The following ADARB1 variants were observed in gnomAD, a reference collection of about 807,000 sequenced individuals.
ADARB1 encodes adenosine deaminase RNA specific B1, also known as double-stranded RNA-specific editase 1.
In ADARB1, 10 loss-of-function variants were observed where a neutral mutation model predicts 52.4. That is an observed-to-expected ratio of 0.19 (90% CI 0.12 to 0.32). ADARB1 has a LOEUF of 0.32. ADARB1 is among the 10% of genes least tolerant of loss of function. The pLI, the probability that ADARB1 is intolerant of heterozygous loss-of-function variation, is 1.00. For missense variants in ADARB1, 643 were observed against 922.3 expected (o/e 0.70, Z 3.92); for synonymous variants, 349 against 371.1 (o/e 0.94, Z 0.68).
chr21:45,113,378 G>A (rs911004658), intron 1 of ADARB1, among the ~76,000 whole-genome samples: 2 of 152,010 alleles, frequency 1.3e-5, no homozygotes, highest in Non-Finnish European at 2.9e-5. Context: ...AGCTAAGATC[G>A]TGCCACTGTA....
chr21:45,143,969 G>T (rs1322533589), intron 2 of ADARB1, among the ~76,000 whole-genome samples: 1 of 151,852 alleles, frequency 6.6e-6, no homozygotes. Context: ...TTCCTTATTA[G>T]AACATAAGCT....
At chr21:45,190,451 G>A (rs1034212509) in intron 8 of ADARB1, among the ~76,000 whole-genome samples, 1 of 151,862 alleles carries the variant, frequency 6.6e-6, no homozygotes, top group East Asian at 1.9e-4. Flanking sequence ...ATTTCTTTAG[G>A]GTCAGTTTCT....
At position 45,185,104 on chromosome 21, in the gene ADARB1, G is replaced by A; in HGVS notation, c.1565+13G>A. The A allele has an allele frequency of 3.7e-6, 6 of 1,611,882 alleles. No individual in the cohort carries two copies. The highest frequency in any genetic ancestry group is 5.1e-6 in the Non-Finnish European group (6 of 1,178,676). On this transcript the variant is annotated intron_variant, in intron 8 of 10. Transcript: ENST00000348831. ...ACAAGATTGCACGGTAAGGGGCGGG[G>A]GCTCCCTGTGGCCACCTCCCTGCAC...
chr21:45,093,424 G>A (rs536097301), intron 1 of ADARB1, among the ~76,000 whole-genome samples: 3 of 152,352 alleles, frequency 2.0e-5, no homozygotes, highest in East Asian at 3.9e-4. Flanking sequence ...TCTGCCTGAC[G>A]TCCTTGACAA....
chr21:45,145,514 C>T (rs763572914), intron 2 of ADARB1: 1 of 152,286 alleles, frequency 6.6e-6, no homozygotes, highest in African/African-American at 2.4e-5. Context: ...GTAGAGCCGA[C>T]CACCTGCCTG....
rs140938068 is a variant in ADARB1 at position 45,093,130 on chromosome 21, C to G, written c.-220+18337C>G. ...AATTAGTCTCTGAAATAAGCAGCCTCCCCAGGAAGGAAGCAGCATGGCCAC... is the reference window on the plus strand; with the variant it reads ...AATTAGTCTCTGAAATAAGCAGCCTGCCCAGGAAGGAAGCAGCATGGCCAC... On this transcript the variant is annotated intron_variant, in intron 1 of 10. Transcript: ENST00000348831. 9.6e-4 allele frequency among the ~76,000 whole-genome samples: 146 copies of G among 152,322 alleles called. 1 individual carries two copies. Among genetic ancestry groups the G allele is most frequent in the African/African-American group, 3.4e-3 (142 of 41,562 alleles).
rs201653105 is a variant in ADARB1, at chr21:45,175,777, T to A, written c.76T>A (p.Ser26Thr). ...VKENRNLDNV[S>T]PKDGSTPGPG... is the part of the protein sequence containing the mutation. ...GGAAAACCGCAATCTGGACAACGTG[T>A]CCCCCAAGGATGGCAGCACACCTGG... Residue 26 changes from serine to threonine, a missense_variant, in exon 4 of 11, where the codon TCC (serine) becomes ACC (threonine). Ser to Thr is a moderately conservative substitution (Grantham distance 58). Around this residue, in one of 2 missense-constraint regions of ADARB1, gnomAD observed 380 missense variants for 446.5 expected, o/e 0.85. Transcript: ENST00000348831. 7 of 1,614,100 alleles carry A rather than the reference T, an allele frequency of 4.3e-6. No homozygotes were observed. The highest frequency in any genetic ancestry group is 1.3e-5 in the African/African-American group (1 of 75,028).
chr21:45,151,177 A>G (rs1047826659), intron 2 of ADARB1, among the ~76,000 whole-genome samples: 5 of 152,154 alleles, frequency 3.3e-5, no homozygotes, highest in African/African-American at 1.2e-4. Flanking sequence ...GTAGAACTAC[A>G]AAGTGTCAGG....
At chr21:45,154,830 A>G (rs933670801) in intron 2 of ADARB1, among the ~76,000 whole-genome samples, 1 of 152,176 alleles carries the variant, frequency 6.6e-6, no homozygotes, top group Non-Finnish European at 1.5e-5. Flanking sequence ...GACCTGGGAG[A>G]GGTCTGGGAG....
chr21:45,159,039 C>A (rs422720), intron 2 of ADARB1, among the ~76,000 whole-genome samples: 97,060 of 152,044 alleles, frequency 0.64, 31,288 homozygotes, highest in African/African-American at 0.74. Flanking sequence ...TGTAAGAATT[C>A]GGAAACATAG....
intron 9 of ADARB1, among the ~76,000 whole-genome samples, chr21:45,209,226 A>G (rs772935778): frequency 4.6e-5 from 7 of 151,986 alleles, no homozygotes; most frequent in Non-Finnish European, 5.9e-5. Context: ...TTAGAAACTC[A>G]TTTTATCGTG....
At chr21:45,118,972 G>A (rs139474542) in intron 1 of ADARB1, among the ~76,000 whole-genome samples, 73 of 152,240 alleles carry the variant, frequency 4.8e-4, no homozygotes, top group African/African-American at 1.6e-3. Flanking sequence ...TTTTAGCACC[G>A]TGCACTATTA....
In ADARB1 at chr21:45,183,436, A is replaced by T. The variant is rs1372446516; in HGVS notation, c.1322A>T (p.Gln441Leu). Residue 441 changes from glutamine to leucine, a missense_variant, in exon 7 of 11, where the codon CAG (glutamine) becomes CTG (leucine). Gln to Leu is a moderately radical substitution (Grantham distance 113, BLOSUM62 -2). Around this residue, in one of 2 missense-constraint regions of ADARB1, gnomAD observed 263 missense variants for 475.8 expected, o/e 0.55. Transcript: ENST00000348831. ...GGGTTTAGGCTGAAGGAGAATGTCC[A>T]GTTTCATCTGTACATCAGCACCTCT... ...RGGFRLKENV[Q>L]FHLYISTSPC... 1.9e-6 allele frequency: 3 copies of T among 1,613,328 alleles called. No individual in the cohort carries two copies. The highest frequency in any genetic ancestry group is 2.5e-6 in the Non-Finnish European group (3 of 1,179,798).
chr21:45,110,005 T>C (rs1454890038), intron 1 of ADARB1, among the ~76,000 whole-genome samples: 1 of 152,216 alleles, frequency 6.6e-6, no homozygotes, highest in African/African-American at 2.4e-5. Context: ...TGAGCATCTA[T>C]TTTTACCTCA....
intron 1 of ADARB1, among the ~76,000 whole-genome samples, chr21:45,117,587 GCTT>G (rs2087903639): frequency 6.6e-6 from 1 of 151,208 alleles, no homozygotes; most frequent in East Asian, 1.9e-4. Flanking sequence ...AAAAAAAAAA[GCTT>G]CTTTAAAATT....
At chr21:45,123,978 T>A (rs569278208) in intron 1 of ADARB1, among the ~76,000 whole-genome samples, 1 of 152,342 alleles carries the variant, frequency 6.6e-6, no homozygotes, top group Admixed American at 6.5e-5. Context: ...ATCAATGTAG[T>A]TCAGTTTTGC....
Position 45,119,817 on chromosome 21 carries a change from A to G in ADARB1, c.-219-8585A>G, listed in dbSNP as rs149821928. ...AAACTATGAATTGTCATCGTGGTAT[A>G]TACCCAGACAGCCCACATTAAACTG... is the stretch of plus-strand genomic sequence containing the variant. On this transcript the variant is annotated intron_variant, in intron 1 of 10. Transcript: ENST00000348831. Among the ~76,000 whole-genome samples, 636 of 152,362 alleles carry G rather than the reference A, an allele frequency of 4.2e-3. 4 individuals carry two copies. Among genetic ancestry groups the G allele is most frequent in the African/African-American group, 0.015 (603 of 41,582 alleles).
At chr21:45,151,469 C>T (rs1320062470) in intron 2 of ADARB1, among the ~76,000 whole-genome samples, 1 of 152,186 alleles carries the variant, frequency 6.6e-6, no homozygotes, top group Non-Finnish European at 1.5e-5. Flanking sequence ...TGCATTGTGG[C>T]AAGAGAAAGA....
In ADARB1 at chr21:45,219,517, C is replaced by T. The variant is rs7278691; in HGVS notation, c.1748-1319C>T. ...CAGCCTGGCAACAAGAGTGAGACTC[C>T]GTCTCGAAAAAAAGAACTGAATGTC... On this transcript the variant is annotated intron_variant, in intron 9 of 10. Coordinates refer to ENST00000348831, the MANE Select transcript of ADARB1 (RefSeq NM_001112.4). 7.0e-3 allele frequency among the ~76,000 whole-genome samples: 1,072 copies of T among 152,140 alleles called. 8 individuals carry two copies. The highest frequency in any genetic ancestry group is 0.024 in the African/African-American group (1,007 of 41,516).
Sources: allele counts gnomAD v4.1 joint callset (sites outside exome capture counted in the v4.1 genomes callset), GRCh38; gene constraint gnomAD v4.1.1; regional missense constraint gnomAD v4.1.1; transcripts MANE v1.5; gene names NCBI Gene and HGNC (gene_info 2026-07-23, HGNC 2026-07-21).